SOWAHD: variants seen among roughly 807,000 people sequenced by gnomAD.
The protein encoded by SOWAHD is sosondowah ankyrin repeat domain family member D.
For synonymous variants in SOWAHD, 142 were observed against 147.2 expected (o/e 0.96, Z 0.26); for missense variants, 295 against 297.7 (o/e 0.99, Z 0.07).
Position 119,759,037 on chromosome X carries a change from G to T in SOWAHD, c.370G>T (p.Gly124Cys). The T allele has an allele frequency of 8.5e-7, 1 of 1,170,436 alleles. No homozygotes were observed. Among genetic ancestry groups the T allele is most frequent in the East Asian group, 3.1e-5 (1 of 32,357 alleles). Residue 124 changes from glycine to cysteine, a missense_variant, in exon 1 of 1, where the codon GGC becomes TGC. By Grantham distance (159) the Gly-to-Cys change is radical. Transcript: ENST00000343905. ...CGCGTGGATTCTGGCAGCCGCCGAG[G>T]GCCGCTATGAGGTGCTGCGGGAGCT... The part of the protein sequence containing the change: ...EHAWILAAAE[G>C]RYEVLRELLE...
Position 119,758,975 on chromosome X carries a change from C to T in SOWAHD, c.308C>T (p.Pro103Leu), listed in dbSNP as rs777379465. The T allele has an allele frequency of 8.9e-7, 1 of 1,120,682 alleles. No individual in the cohort carries two copies. The highest frequency in any genetic ancestry group is 1.2e-6 in the Non-Finnish European group (1 of 857,455). 92.4% of individuals were successfully genotyped at this position (1,120,682 alleles called of 1,213,427 possible). A position where few individuals can be genotyped will look rare whatever the true frequency, so the allele number is the denominator to read the frequency against. The change falls in exon 1 of 1, where the codon CCG becomes CTG. Residue 103 changes from proline (P) to leucine (L), a missense_variant. Physicochemically the swap from Pro to Leu is moderately conservative, Grantham distance 98. Coordinates refer to ENST00000343905, the MANE Select transcript of SOWAHD (RefSeq NM_001105576.3). ...RAEELGGPSG[P>L]GSSRLCLEPR... is the part of the protein sequence containing the mutation. ...GAGGAGCTGGGCGGGCCGAGTGGGC[C>T]GGGCAGCAGCAGGCTGTGCCTGGAA...
Position 119,758,733 on chromosome X carries a change from C to A in SOWAHD, c.66C>A (p.Ser22Arg). 1 of 1,166,942 alleles carries A rather than the reference C, an allele frequency of 8.6e-7. No homozygotes were observed. The highest frequency in any genetic ancestry group is 1.1e-6 in the Non-Finnish European group (1 of 880,007). The change falls in exon 1 of 1, where the codon AGC (serine) becomes AGA (arginine). Residue 22 changes from serine (S) to arginine (R), a missense_variant. Transcript: ENST00000343905. ...PTASLAPTSQ[S>R]LRCAPQPRPS... ...CCTCTCTCGCGCCGACCTCGCAGAG[C>A]CTGCGGTGCGCCCCGCAGCCCCGCC...
rs186685207 is a variant in SOWAHD at position 119,759,907 on chromosome X, T to A, written c.*292T>A. The stretch of plus-strand genomic sequence containing the variant: ...AAGGAGTTGGGAGCAGGGAGCGTGG[T>A]CCTGCTTGGGAGAGGGCAAGTTAAG... On this transcript the variant is annotated 3_prime_UTR_variant, in exon 1 of 1. Coordinates refer to ENST00000343905, the MANE Select transcript of SOWAHD (RefSeq NM_001105576.3). The A allele has an allele frequency of 7.4e-6, 2 of 269,202 alleles. No individual in the cohort carries two copies. Among genetic ancestry groups the A allele is most frequent in the African/African-American group, 5.6e-5 (2 of 35,631 alleles). 22.2% of individuals were successfully genotyped at this position (269,202 alleles called of 1,213,427 possible).
chrX:119,758,711 C>T lies in SOWAHD; in HGVS notation c.44C>T (p.Ser15Phe). The stretch of plus-strand genomic sequence containing the variant: ...GCCGCGAACCGGGCACCCACGGCCT[C>T]TCTCGCGCCGACCTCGCAGAGCCTG... ...GGAANRAPTASLAPTSQSLRC... is the reference protein window; with the variant it reads ...GGAANRAPTAFLAPTSQSLRC... Residue 15 changes from serine (S) to phenylalanine (F), a missense_variant, in exon 1 of 1, where the codon TCT becomes TTT. Ser to Phe is a radical substitution (Grantham distance 155, BLOSUM62 -2). Transcript: ENST00000343905. 2.6e-6 allele frequency: 3 copies of T among 1,159,203 alleles called. No homozygotes were observed. The highest frequency in any genetic ancestry group is 3.4e-6 in the Non-Finnish European group (3 of 876,420).
At position 119,758,819 on chromosome X, in the gene SOWAHD, C is replaced by T; in HGVS notation, c.152C>T (p.Ser51Phe). Reference protein sequence around the residue: ...RYWGKAAAAASREHPFPGTLM... With the variant: ...RYWGKAAAAAFREHPFPGTLM... The stretch of plus-strand genomic sequence containing the variant: ...TGGGGCAAAGCCGCAGCCGCCGCCT[C>T]CCGGGAGCACCCCTTCCCAGGCACG... The change falls in exon 1 of 1, where the codon TCC becomes TTC. Residue 51 changes from serine (S) to phenylalanine (F), a missense_variant. By Grantham distance (155) the Ser-to-Phe change is radical. Coordinates refer to ENST00000343905, the MANE Select transcript of SOWAHD (RefSeq NM_001105576.3). 1.7e-6 allele frequency: 2 copies of T among 1,148,017 alleles called. No homozygotes were observed. The highest frequency in any genetic ancestry group is 2.3e-6 in the Non-Finnish European group (2 of 870,829). The allele number at this position is 1,148,017 out of a possible 1,213,427, so 94.6% of individuals were successfully genotyped here.
At position 119,759,899 on chromosome X, in the gene SOWAHD, G is replaced by C; in HGVS notation, c.*284G>C. Reference sequence around the variant, plus strand: ...ACAGGACTAAGGAGTTGGGAGCAGGGAGCGTGGTCCTGCTTGGGAGAGGGC... The same window carrying C: ...ACAGGACTAAGGAGTTGGGAGCAGGCAGCGTGGTCCTGCTTGGGAGAGGGC... On this transcript the variant is annotated 3_prime_UTR_variant, in exon 1 of 1. Coordinates refer to ENST00000343905, the MANE Select transcript of SOWAHD (RefSeq NM_001105576.3). 3.5e-6 allele frequency: 1 copy of C among 282,946 alleles called. No homozygotes were observed. Among genetic ancestry groups the C allele is most frequent in the Non-Finnish European group, 6.5e-6 (1 of 153,981 alleles). 23.3% of individuals were successfully genotyped at this position (282,946 alleles called of 1,213,427 possible). A position where few individuals can be genotyped will look rare whatever the true frequency, so the allele number is the denominator to read the frequency against.
chrX:119,759,711 G>C lies in SOWAHD; in HGVS notation c.*96G>C. ...GGTTCCACCGAAGGAGAGGCGCCTT[G>C]GACGCTGCTTGGGCCTGCAAGGAAC... On this transcript the variant is annotated 3_prime_UTR_variant, in exon 1 of 1. Transcript: ENST00000343905. 1.1e-6 allele frequency: 1 copy of C among 904,683 alleles called. No homozygotes were observed. Among genetic ancestry groups the C allele is most frequent in the Non-Finnish European group, 1.5e-6 (1 of 675,801 alleles). The allele number at this position is 904,683 out of a possible 1,213,427, so 74.6% of individuals were successfully genotyped here. A position where few individuals can be genotyped will look rare whatever the true frequency, so the allele number is the denominator to read the frequency against.
In SOWAHD at chrX:119,759,744, G is replaced by A. The variant is rs866052465; in HGVS notation, c.*129G>A. 16 of 681,100 alleles carry A rather than the reference G, an allele frequency of 2.3e-5. No homozygotes were observed. The highest frequency in any genetic ancestry group is 8.0e-4 in the Middle Eastern group (2 of 2,509). 56.1% of individuals were successfully genotyped at this position (681,100 alleles called of 1,213,427 possible). ...CTTGGGCCTGCAAGGAACAGAACAC[G>A]TCGGGGTCCGACTCAGGTACTTGTC... On this transcript the variant is annotated 3_prime_UTR_variant, in exon 1 of 1. Coordinates refer to ENST00000343905, the MANE Select transcript of SOWAHD (RefSeq NM_001105576.3).
chrX:119,759,601 T>G lies in SOWAHD; in HGVS notation c.934T>G (p.Phe312Val). 1 of 1,153,270 alleles carries G rather than the reference T, an allele frequency of 8.7e-7. No homozygotes were observed. Among genetic ancestry groups the G allele is most frequent in the Non-Finnish European group, 1.2e-6 (1 of 865,554 alleles). Residue 312 changes from phenylalanine to valine, a missense_variant, in exon 1 of 1, where the codon TTC becomes GTC. Physicochemically the swap from Phe to Val is conservative, Grantham distance 50. Transcript: ENST00000343905. ...HSLFRHLFPS[F>V]QDR The stretch of plus-strand genomic sequence containing the variant: ...CCTTTTCCGCCATCTGTTCCCCTCA[T>G]TCCAGGACCGTTGACAGGGACAGAG...
chrX:119,759,619 G>C lies in SOWAHD; in HGVS notation c.*4G>C. 8.7e-7 allele frequency: 1 copy of C among 1,146,114 alleles called. No individual in the cohort carries two copies. The highest frequency in any genetic ancestry group is 1.2e-6 in the Non-Finnish European group (1 of 861,746). 94.5% of individuals were successfully genotyped at this position (1,146,114 alleles called of 1,213,427 possible). A position where few individuals can be genotyped will look rare whatever the true frequency, so the allele number is the denominator to read the frequency against. On this transcript the variant is annotated 3_prime_UTR_variant, in exon 1 of 1. Transcript: ENST00000343905. ...CCCCTCATTCCAGGACCGTTGACAGGGACAGAGACTGGAGAGCTAGGAGGG... is the reference window on the plus strand; with the variant it reads ...CCCCTCATTCCAGGACCGTTGACAGCGACAGAGACTGGAGAGCTAGGAGGG...
chrX:119,759,040 C>A lies in SOWAHD; in HGVS notation c.373C>A (p.Arg125Ser), dbSNP rs1171616543. 4 of 1,170,522 alleles carry A rather than the reference C, an allele frequency of 3.4e-6. No individual in the cohort carries two copies. Among genetic ancestry groups the A allele is most frequent in the Non-Finnish European group, 2.3e-6 (2 of 881,260 alleles). ...HAWILAAAEGRYEVLRELLEA... is the reference protein window; with the variant it reads ...HAWILAAAEGSYEVLRELLEA... Reference sequence around the variant, plus strand: ...GTGGATTCTGGCAGCCGCCGAGGGCCGCTATGAGGTGCTGCGGGAGCTGCT... The same window carrying A: ...GTGGATTCTGGCAGCCGCCGAGGGCAGCTATGAGGTGCTGCGGGAGCTGCT... Residue 125 changes from arginine (R) to serine (S), a missense_variant, in exon 1 of 1, where the codon CGC (arginine) becomes AGC (serine). Coordinates refer to ENST00000343905, the MANE Select transcript of SOWAHD (RefSeq NM_001105576.3).
In SOWAHD at chrX:119,759,559, G is replaced by A; in HGVS notation, c.892G>A (p.Val298Met). Residue 298 changes from valine (V) to methionine (M), a missense_variant, in exon 1 of 1, where the codon GTG becomes ATG. Transcript: ENST00000343905. Reference sequence around the variant, plus strand: ...GGCGAAGGACACCGCGGGCAGCCGGGTGGCGCAAATGCATAGCCTTTTCCG... The same window carrying A: ...GGCGAAGGACACCGCGGGCAGCCGGATGGCGCAAATGCATAGCCTTTTCCG... The part of the protein sequence containing the change: ...TKAKDTAGSR[V>M]AQMHSLFRHL... 2.5e-6 allele frequency: 3 copies of A among 1,184,744 alleles called. No individual in the cohort carries two copies. The highest frequency in any genetic ancestry group is 3.4e-6 in the Non-Finnish European group (3 of 881,063).
chrX:119,759,379 G>A lies in SOWAHD; in HGVS notation c.712G>A (p.Glu238Lys). ...GCCCGACGCGCCTTGGAGGTTGCGG[G>A]AGCTGTCGGGAGCCGAGGAATGGGA... ...LRPDAPWRLR[E>K]LSGAEEWEME... is the part of the protein sequence containing the mutation. Residue 238 changes from glutamate (E) to lysine (K), a missense_variant, in exon 1 of 1, where the codon GAG (glutamate) becomes AAG (lysine). Transcript: ENST00000343905. 1.3e-5 allele frequency: 15 copies of A among 1,197,699 alleles called. No individual in the cohort carries two copies. Among genetic ancestry groups the A allele is most frequent in the Non-Finnish European group, 1.7e-5 (15 of 888,695 alleles).
chrX:119,759,733 G>A lies in SOWAHD; in HGVS notation c.*118G>A. ...CTTGGACGCTGCTTGGGCCTGCAAGGAACAGAACACGTCGGGGTCCGACTC... is the reference window on the plus strand; with the variant it reads ...CTTGGACGCTGCTTGGGCCTGCAAGAAACAGAACACGTCGGGGTCCGACTC... On this transcript the variant is annotated 3_prime_UTR_variant, in exon 1 of 1. Coordinates refer to ENST00000343905, the MANE Select transcript of SOWAHD (RefSeq NM_001105576.3). The A allele has an allele frequency of 7.9e-6, 6 of 754,803 alleles. No homozygotes were observed. Among genetic ancestry groups the A allele is most frequent in the Middle Eastern group, 6.7e-4 (2 of 2,970 alleles). The allele number at this position is 754,803 out of a possible 1,213,427, so 62.2% of individuals were successfully genotyped here.
Position 119,759,321 on chromosome X carries a change from C to G in SOWAHD, c.654C>G (p.Asp218Glu). 1.7e-6 allele frequency: 2 copies of G among 1,184,671 alleles called. No individual in the cohort carries two copies. Among genetic ancestry groups the G allele is most frequent in the Non-Finnish European group, 2.3e-6 (2 of 882,543 alleles). The change falls in exon 1 of 1, where the codon GAC becomes GAG. Residue 218 changes from aspartate (D) to glutamate (E), a missense_variant. Physicochemically the swap from Asp to Glu is conservative, Grantham distance 45. Transcript: ENST00000343905. ...GALGADATRRDHSGHRACHYL... is the reference protein window; with the variant it reads ...GALGADATRREHSGHRACHYL... ...TGGGTGCTGACGCTACGCGCCGCGA[C>G]CACAGCGGCCACCGGGCCTGCCACT... is the stretch of plus-strand genomic sequence containing the variant.
Position 119,759,141 on chromosome X carries a change from C to T in SOWAHD, c.474C>T (p.His158=), listed in dbSNP as rs187111943. 4.9e-4 allele frequency: 584 copies of T among 1,184,606 alleles called. 1 individual carries two copies. Among genetic ancestry groups the T allele is most frequent in the Non-Finnish European group, 6.3e-4 (562 of 885,078 alleles). The part of the protein sequence containing the change: ...GYSVLHWLAK[H]GRHEELILVH... ...CGGTTCTGCACTGGCTGGCCAAGCACGGGCGCCACGAGGAGCTCATTCTGG... is the reference window on the plus strand; with the variant it reads ...CGGTTCTGCACTGGCTGGCCAAGCATGGGCGCCACGAGGAGCTCATTCTGG... The change falls in exon 1 of 1, where the codon CAC becomes CAT. Residue 158 remains histidine, a synonymous_variant. Transcript: ENST00000343905.
rs2055537017 is a variant in SOWAHD at position 119,759,576 on chromosome X, C to A, written c.909C>A (p.Ser303Arg). The change falls in exon 1 of 1, where the codon AGC becomes AGA. Residue 303 changes from serine to arginine, a missense_variant. Coordinates refer to ENST00000343905, the MANE Select transcript of SOWAHD (RefSeq NM_001105576.3). The stretch of plus-strand genomic sequence containing the variant: ...GCAGCCGGGTGGCGCAAATGCATAG[C>A]CTTTTCCGCCATCTGTTCCCCTCAT... ...TAGSRVAQMH[S>R]LFRHLFPSFQ... The A allele has an allele frequency of 5.1e-6, 6 of 1,168,277 alleles. No individual in the cohort carries two copies. In the South Asian group the frequency reaches 1.2e-4, roughly 23 times the overall value.
chrX:119,758,715 C>T lies in SOWAHD; in HGVS notation c.48C>T (p.Leu16=), dbSNP rs999147984. 3.4e-6 allele frequency: 4 copies of T among 1,161,693 alleles called. No homozygotes were observed. Among genetic ancestry groups the T allele is most frequent in the Non-Finnish European group, 4.6e-6 (4 of 877,481 alleles). Reference sequence around the variant, plus strand: ...CGAACCGGGCACCCACGGCCTCTCTCGCGCCGACCTCGCAGAGCCTGCGGT... The same window carrying T: ...CGAACCGGGCACCCACGGCCTCTCTTGCGCCGACCTCGCAGAGCCTGCGGT... The part of the protein sequence containing the change: ...GAANRAPTAS[L]APTSQSLRCA... Residue 16 remains leucine (L), a synonymous_variant, in exon 1 of 1, where the codon CTC becomes CTT. Transcript: ENST00000343905.
In SOWAHD at chrX:119,759,789, C is replaced by T. The variant is rs763419655; in HGVS notation, c.*174C>T. On this transcript the variant is annotated 3_prime_UTR_variant, in exon 1 of 1. Transcript: ENST00000343905. ...CTTGTCTCAGGTCTCCTGTAACCAC[C>T]GGCCTGGAGGACCCGGGGACTCGGG... 24 of 423,209 alleles carry T rather than the reference C, an allele frequency of 5.7e-5. No homozygotes were observed. The highest frequency in any genetic ancestry group is 7.9e-5 in the Non-Finnish European group (21 of 266,361). The allele number at this position is 423,209 out of a possible 1,213,427, so 34.9% of individuals were successfully genotyped here.
Sources: allele counts gnomAD v4.1 joint callset, GRCh38; gene constraint gnomAD v4.1.1; transcripts MANE v1.5; gene names NCBI Gene and HGNC (gene_info 2026-07-23, HGNC 2026-07-21).